FCRL4: variants seen among roughly 807,000 people sequenced by gnomAD.
FCRL4 encodes Fc receptor like 4, also known as Fc receptor-like protein 4.
In FCRL4, 43 loss-of-function variants were observed where a neutral mutation model predicts 64.1. The ratio of observed to expected loss-of-function variants is 0.67; its 90% CI spans 0.53 to 0.87. The LOEUF is 0.87. FCRL4 is among the 40% of genes least tolerant of loss of function. The pLI is 0.00. For synonymous variants in FCRL4, 253 were observed against 239.8 expected (o/e 1.05, Z -0.51); for missense variants, 656 against 613.5 (o/e 1.07, Z -0.73).
rs567818915 is a variant in FCRL4, at chr1:157,594,561, C to T, written c.52+1767G>A. ...AATTGTTTTCATTTGTATTAATTTTCAAAAATAAAATCTCAATTTTGGGGA... is the reference window on the plus strand; with the variant it reads ...AATTGTTTTCATTTGTATTAATTTTTAAAAATAAAATCTCAATTTTGGGGA... On this transcript the variant is annotated intron_variant, in intron 2 of 11. Coordinates refer to ENST00000271532, the MANE Select transcript of FCRL4 (RefSeq NM_031282.3). Among the ~76,000 whole-genome samples the T allele has an allele frequency of 3.9e-5, 6 of 152,204 alleles. No homozygotes were observed. The South Asian group carries it at 1.2e-3, about 32-fold the overall frequency.
Position 157,586,459 on chromosome 1 carries a change from T to C in FCRL4, c.848-4A>G, listed in dbSNP as rs1652698189. 1.1e-5 allele frequency: 17 copies of C among 1,600,214 alleles called. No homozygotes were observed. In the East Asian group the frequency reaches 1.3e-4, roughly 13 times the overall value. On this transcript the variant is annotated splice_polypyrimidine_tract_variant and splice_region_variant and intron_variant, in intron 5 of 11. Coordinates refer to ENST00000271532, the MANE Select transcript of FCRL4 (RefSeq NM_031282.3). The stretch of plus-strand genomic sequence containing the variant: ...AGCACCCCAGACACAGGGATCCCTA[T>C]GTGAAAATGAGACCACAGGTGGGGG...
rs982016125 is a variant in FCRL4 at position 157,596,470 on chromosome 1, T to A, written c.32-122A>T. ...AGGAAGAGAAACACGTTCCATTCCA[T>A]CCATCCCAGGGAAGCGGGGAAACAC... On this transcript the variant is annotated intron_variant, in intron 1 of 11. Coordinates refer to ENST00000271532, the MANE Select transcript of FCRL4 (RefSeq NM_031282.3). The A allele has an allele frequency of 2.1e-5, 23 of 1,101,636 alleles. No individual in the cohort carries two copies. In the African/African-American group the frequency reaches 3.2e-4, roughly 16 times the overall value. 68.2% of individuals were successfully genotyped at this position (1,101,636 alleles called of 1,614,324 possible).
Position 157,589,457 on chromosome 1 carries a change from T to C in FCRL4, c.54A>G (p.Ala18=), listed in dbSNP as rs79161535. The C allele has an allele frequency of 1.1e-3, 1,700 of 1,613,726 alleles. 18 individuals are homozygous for C. In the African/African-American group the frequency reaches 0.02, roughly 19 times the overall value. ...CGGAAATCACAGGTTTGTGTGCAGC[T>C]GCTGAGGAGGAAAGAGTAATAGGTC... ...LAFAPVCGQS[A]AAHKPVISVH... Residue 18 remains alanine, a splice_region_variant and synonymous_variant, in exon 3 of 12, where the codon GCA becomes GCG. Transcript: ENST00000271532.
chr1:157,580,351 G>C lies in FCRL4; in HGVS notation c.1250-3C>G. 1 of 1,614,090 alleles carries C rather than the reference G, an allele frequency of 6.2e-7. No individual in the cohort carries two copies. Among genetic ancestry groups the C allele is most frequent in the Non-Finnish European group, 8.5e-7 (1 of 1,179,984 alleles). On this transcript the variant is annotated splice_region_variant and splice_polypyrimidine_tract_variant and intron_variant, in intron 7 of 11. Coordinates refer to ENST00000271532, the MANE Select transcript of FCRL4 (RefSeq NM_031282.3). ...TTCGTCTCCCAAGAAACCAACTCCT[G>C]CAAAATAAAGCAAAGACGCATTTTT...
At chr1:157,587,047 G>A (rs1259651577) in intron 5 of FCRL4, among the ~76,000 whole-genome samples, 3 of 152,224 alleles carry the variant, frequency 2.0e-5, no homozygotes, top group Admixed American at 6.5e-5. Context: ...AACTCCATGA[G>A]TCAGCTGTGA....
intron 6 of FCRL4, among the ~76,000 whole-genome samples, chr1:157,583,327 A>T (rs750794718): frequency 5.9e-5 from 9 of 152,172 alleles, no homozygotes; most frequent in African/African-American, 1.2e-4. Flanking sequence ...GGACACCTCC[A>T]TAGGTTAAGC....
intron 6 of FCRL4, 75 bp from the exon 7 acceptor site, chr1:157,581,719 G>T: frequency 8.6e-7 from 1 of 1,166,590 alleles, no homozygotes; most frequent in Non-Finnish European, 1.3e-6. Context: ...CAGCTTGGTT[G>T]GGTAACGAGC....
Position 157,586,250 on chromosome 1 carries a change from C to G in FCRL4, c.1053G>C (p.Gln351His). 1.9e-6 allele frequency: 3 copies of G among 1,614,152 alleles called. No homozygotes were observed. The highest frequency in any genetic ancestry group is 2.5e-6 in the Non-Finnish European group (3 of 1,179,990). Residue 351 changes from glutamine to histidine, a missense_variant, in exon 6 of 12, where the codon CAG (glutamine) becomes CAC (histidine). Gln to His is a conservative substitution (Grantham distance 24, BLOSUM62 0). Transcript: ENST00000271532. ...RAELELPAIR[Q>H]SHAGGYYCTA... The stretch of plus-strand genomic sequence containing the variant: ...TACAGTAGTATCCCCCTGCATGGCT[C>G]TGTCTGATGGCAGGGAGCTCCAGCT...
intron 4 of FCRL4, 121 bp from the exon 5 acceptor site, chr1:157,587,681 C>T: frequency 1.7e-6 from 2 of 1,203,088 alleles, no homozygotes; most frequent in Non-Finnish European, 2.3e-6. Context: ...TTATCAAGCC[C>T]TCTATCACAG....
chr1:157,580,405 C>T, intron 7 of FCRL4, 57 bp from the exon 8 acceptor site: 2 of 1,574,194 alleles, frequency 1.3e-6, no homozygotes, highest in Non-Finnish European at 1.7e-6. Context: ...TTCTCAATGA[C>T]TTCATGTAAC....
Position 157,597,811 on chromosome 1 carries a change from A to T in FCRL4, c.31+103T>A, listed in dbSNP as rs542524836. The T allele has an allele frequency of 9.6e-6, 8 of 829,230 alleles. No homozygotes were observed. The African/African-American group carries it at 1.0e-4, about 11-fold the overall frequency. The allele number at this position is 829,230 out of a possible 1,614,324, so 51.4% of individuals were successfully genotyped here. ...TTTTTGTTCATTTTCTGCTGTTCTA[A>T]AATGGGAGTAAAAATCCATGATTGC... On this transcript the variant is annotated intron_variant, in intron 1 of 11. Transcript: ENST00000271532.
At position 157,587,310 on chromosome 1, in the gene FCRL4, G is replaced by A. The variant is rs565741208; in HGVS notation, c.813C>T (p.His271=). Residue 271 remains histidine, a synonymous_variant, in exon 5 of 12, where the codon CAC becomes CAT. Transcript: ENST00000271532. The stretch of plus-strand genomic sequence containing the variant: ...GGATCTGTAGCGAGGGACTGTGCTT[G>A]TGGATGTTACCCCTCACTGTTTCAG... ...CGAETVRGNI[H]KHSPSLQIHV... is the part of the protein sequence containing the mutation. The A allele has an allele frequency of 9.0e-5, 145 of 1,614,230 alleles. 1 individual carries two copies. In the South Asian group the frequency reaches 1.1e-3, roughly 12 times the overall value.
At chr1:157,589,528 T>C in intron 2 of FCRL4, 70 bp from the exon 3 acceptor site, 2 of 1,567,426 alleles carry the variant, frequency 1.3e-6, no homozygotes, top group South Asian at 2.4e-5. Context: ...CTTGTGTGGG[T>C]TACAGTGGAG....
intron 2 of FCRL4, among the ~76,000 whole-genome samples, chr1:157,591,402 A>AT (rs1652837391): frequency 6.6e-6 from 1 of 151,374 alleles, no homozygotes; most frequent in Non-Finnish European, 1.5e-5. Flanking sequence ...ATAGAGGGAA[A>AT]TTTTTTCCCT....
Position 157,574,511 on chromosome 1 carries a change from G to A in FCRL4, c.*1013C>T, listed in dbSNP as rs1652357082. 1 of 209,120 alleles carries A rather than the reference G, an allele frequency of 4.8e-6. No individual in the cohort carries two copies. Among genetic ancestry groups the A allele is most frequent in the South Asian group, 1.9e-4 (1 of 5,312 alleles). 13.0% of individuals were successfully genotyped at this position (209,120 alleles called of 1,614,324 possible). Reference sequence around the variant, plus strand: ...TATCATGAAATATCCATACAAATTTGTGGCTTCCTATTTCTTTTATTCCTT... The same window carrying A: ...TATCATGAAATATCCATACAAATTTATGGCTTCCTATTTCTTTTATTCCTT... On this transcript the variant is annotated 3_prime_UTR_variant, in exon 12 of 12. Transcript: ENST00000271532.
At chr1:157,589,961 C>T (rs893090514) in intron 2 of FCRL4, among the ~76,000 whole-genome samples, 3 of 152,150 alleles carry the variant, frequency 2.0e-5, no homozygotes, top group African/African-American at 7.2e-5. Context: ...AAGCAAGGCA[C>T]AAGTTTTCCT....
Position 157,587,340 on chromosome 1 carries a change from A to C in FCRL4, c.783T>G (p.Cys261Trp). The change falls in exon 5 of 12, where the codon TGT (cysteine) becomes TGG (tryptophan). Residue 261 changes from cysteine to tryptophan, a missense_variant. By Grantham distance (215) the Cys-to-Trp change is radical. Transcript: ENST00000271532. ...VWRENSGSYW[C>W]GAETVRGNIH... ...TGTTACCCCTCACTGTTTCAGCACCACACCAATAGGATCCTGAGTTTTCTC... is the reference window on the plus strand; with the variant it reads ...TGTTACCCCTCACTGTTTCAGCACCCCACCAATAGGATCCTGAGTTTTCTC... 1 of 1,614,218 alleles carries C rather than the reference A, an allele frequency of 6.2e-7. No homozygotes were observed. The highest frequency in any genetic ancestry group is 1.3e-5 in the African/African-American group (1 of 75,052).
intron 5 of FCRL4, 24 bp from the exon 6 acceptor site, chr1:157,586,479 T>TG: frequency 6.3e-7 from 1 of 1,584,950 alleles, no homozygotes; most frequent in Non-Finnish European, 8.6e-7. Context: ...AGACCACAGG[T>TG]GGGGGTCGGG....
At chr1:157,590,897 C>A (rs1652824678) in intron 2 of FCRL4, among the ~76,000 whole-genome samples, 1 of 152,130 alleles carries the variant, frequency 6.6e-6, no homozygotes, top group Non-Finnish European at 1.5e-5. Context: ...TCCTTGCCCT[C>A]TTAAGGTTTG....
Sources: gnomAD v4.1 joint callset for allele counts (sites outside exome capture counted in the v4.1 genomes callset) on GRCh38, gnomAD v4.1.1 for gene constraint, MANE v1.5 for transcripts, NCBI Gene and HGNC (gene_info 2026-07-23, HGNC 2026-07-21) for gene names.